Variants in WDR59 observed in about 807,000 individuals in gnomAD.
The protein encoded by WDR59 is GATOR2 complex protein WDR59.
In WDR59, 100 loss-of-function variants were observed where a neutral mutation model predicts 131.2. The ratio of observed to expected loss-of-function variants is 0.76; its 90% CI spans 0.65 to 0.90. WDR59 has a LOEUF of 0.90. Ranked by LOEUF, WDR59 falls within the 40% of genes least tolerant of loss-of-function variation. WDR59 has a pLI of 0.00. For synonymous variants in WDR59, 601 were observed against 466.2 expected (o/e 1.29, Z -3.72); for missense variants, 1,203 against 1,262.2 (o/e 0.95, Z 0.71).
chr16:74,891,565 G>C (rs1284996329), intron 20 of WDR59, among the ~76,000 whole-genome samples: 1 of 152,208 alleles, frequency 6.6e-6, no homozygotes, highest in African/African-American at 2.4e-5. Flanking sequence ...AACAGAAACA[G>C]TGACTCTTGC....
intron 25 of WDR59, among the ~76,000 whole-genome samples, chr16:74,883,020 CTTTTTTTTTT>C (rs948092826): frequency 2.7e-5 from 3 of 111,276 alleles, no homozygotes; most frequent in Non-Finnish European, 5.5e-5. Context: ...TTGTTTTTTG[CTTTTTTTTTT>C]TTTTTTTTTT....
At chr16:74,900,690 G>C (rs942328175) in intron 18 of WDR59, among the ~76,000 whole-genome samples, 9 of 152,212 alleles carry the variant, frequency 5.9e-5, no homozygotes, top group African/African-American at 2.2e-4. Flanking sequence ...GCAAAGCTTG[G>C]CATTCCATCT....
intron 19 of WDR59, 67 bp from the exon 20 acceptor site, chr16:74,892,632 T>C (rs1211022402): frequency 7.7e-7 from 1 of 1,292,866 alleles, no homozygotes; most frequent in Non-Finnish European, 1.1e-6. Flanking sequence ...CGACTCCCAG[T>C]TTAACAGACA....
In WDR59 at chr16:74,913,083, G is replaced by T. The variant is rs984672662; in HGVS notation, c.1225-721C>A. Among the ~76,000 whole-genome samples, 350 of 134,902 alleles carry T rather than the reference G, an allele frequency of 2.6e-3. 3 individuals carry two copies. Among genetic ancestry groups the T allele is most frequent in the African/African-American group, 8.3e-3 (306 of 36,836 alleles). The allele number at this position is 134,902 out of a possible 152,430, so 88.5% of individuals were successfully genotyped here. A position where few individuals can be genotyped will look rare whatever the true frequency, so the allele number is the denominator to read the frequency against. On this transcript the variant is annotated intron_variant, in intron 13 of 25. Coordinates refer to ENST00000262144, the MANE Select transcript of WDR59 (RefSeq NM_030581.4). ...ATGGCTAGATTTTGGGGGGGGGGGG[G>T]GCCTGTTCCCAACATGTCCCCCTTC... is the stretch of plus-strand genomic sequence containing the variant.
chr16:74,984,695 T>C (rs2034554658), intron 1 of WDR59: 2 of 526,080 alleles, frequency 3.8e-6, no homozygotes, highest in South Asian at 4.6e-5. Context: ...GCACTCACGA[T>C]GCGCAGTCTC....
rs756960943 is a variant in WDR59 at position 74,909,601 on chromosome 16, G to A, written c.1542C>T (p.Pro514=). 6.2e-7 allele frequency: 1 copy of A among 1,609,146 alleles called. No homozygotes were observed. Among genetic ancestry groups the A allele is most frequent in the Admixed American group, 1.7e-5 (1 of 59,028 alleles). ...TCACCCGCGCAAACGTCGGTAAGGG[G>A]GGAGTGACAGAGTTGGGGAGTGCAA... ...NPFALPNSVT[P]PLPTFARVTT... is the part of the protein sequence containing the mutation. Residue 514 remains proline, a synonymous_variant, in exon 16 of 26, where the codon CCC becomes CCT. Transcript: ENST00000262144.
rs77211059 is a variant in WDR59 at position 74,955,555 on chromosome 16, C to A, written c.240+920G>T. 6.5e-3 allele frequency among the ~76,000 whole-genome samples: 988 copies of A among 152,220 alleles called. 5 individuals are homozygous for A. The highest frequency in any genetic ancestry group is 0.023 in the African/African-American group (959 of 41,516). On this transcript the variant is annotated intron_variant, in intron 3 of 25. Transcript: ENST00000262144. ...ACTCTGCCTTTCTCTTTGAGAATAG[C>A]CCTGAAAATCAGCGCAACCTCGGAC...
At chr16:74,973,592 A>G (rs1352954947) in intron 1 of WDR59, among the ~76,000 whole-genome samples, 2 of 152,224 alleles carry the variant, frequency 1.3e-5, no homozygotes, top group East Asian at 3.9e-4. Context: ...TTGGCCCAAC[A>G]GTTTCTGAGC....
intron 23 of WDR59, among the ~76,000 whole-genome samples, chr16:74,887,173 T>G (rs571831242): frequency 6.6e-6 from 1 of 152,318 alleles, no homozygotes; most frequent in African/African-American, 2.4e-5. Flanking sequence ...CTCTAATACT[T>G]TTTGCTTGCT....
intron 3 of WDR59, 60 bp from the exon 4 acceptor site, chr16:74,951,603 A>C: frequency 6.9e-7 from 1 of 1,459,490 alleles, no homozygotes. Context: ...TCTTGCCCCA[A>C]TCAGCTTAAG....
At chr16:74,952,547 TTAA>T (rs1175357432) in intron 3 of WDR59, among the ~76,000 whole-genome samples, 1 of 151,552 alleles carries the variant, frequency 6.6e-6, no homozygotes, top group Non-Finnish European at 1.5e-5. Flanking sequence ...ATGCCTGTAT[TTAA>T]TTTCTTAAAG....
chr16:74,884,897 C>G (rs1964678596), intron 25 of WDR59, among the ~76,000 whole-genome samples: 1 of 152,190 alleles, frequency 6.6e-6, no homozygotes, highest in Non-Finnish European at 1.5e-5. Flanking sequence ...TGGAGGCCTT[C>G]TCAACACACC....
rs760009646 is a variant in WDR59 at position 74,916,236 on chromosome 16, A to C, written c.990T>G (p.Asp330Glu). The change falls in exon 12 of 26, where the codon GAT (aspartate) becomes GAG (glutamate). Residue 330 changes from aspartate to glutamate, a missense_variant. Physicochemically the swap from Asp to Glu is conservative, Grantham distance 45. Coordinates refer to ENST00000262144, the MANE Select transcript of WDR59 (RefSeq NM_030581.4). Reference sequence around the variant, plus strand: ...TACTCTCAATGAACTCATCAACACCATCTAATATGTCATTTGCACAAAGCT... The same window carrying C: ...TACTCTCAATGAACTCATCAACACCCTCTAATATGTCATTTGCACAAAGCT... ...MQRLCANDIL[D>E]GVDEFIESIS... 3 of 1,613,934 alleles carry C rather than the reference A, an allele frequency of 1.9e-6. No homozygotes were observed. Among genetic ancestry groups the C allele is most frequent in the Non-Finnish European group, 2.5e-6 (3 of 1,179,988 alleles).
At chr16:74,915,015 T>C (rs1966294309) in intron 13 of WDR59, among the ~76,000 whole-genome samples, 2 of 152,238 alleles carry the variant, frequency 1.3e-5, no homozygotes, top group African/African-American at 4.8e-5. Flanking sequence ...AAGCAAAGAC[T>C]TTCAATACTT....
intron 13 of WDR59, among the ~76,000 whole-genome samples, chr16:74,913,638 T>C (rs1966215106): frequency 6.6e-6 from 1 of 151,962 alleles, no homozygotes; most frequent in Admixed American, 6.6e-5. Flanking sequence ...AGCTGTGGGG[T>C]AGACTGAAAC....
In WDR59 at chr16:74,902,498, C is replaced by G. The variant is rs557520604; in HGVS notation, c.1866+1449G>C. Among the ~76,000 whole-genome samples the G allele has an allele frequency of 1.7e-3, 254 of 152,252 alleles. 7 individuals carry two copies. In the South Asian group the frequency reaches 0.051, roughly 30 times the overall value. On this transcript the variant is annotated intron_variant, in intron 18 of 25. Transcript: ENST00000262144. ...GCTTAAAAGAGGCCTCATCTTGGAA[C>G]TGGAGTTATTTTGATTAGAGTGGGC... is the stretch of plus-strand genomic sequence containing the variant.
At chr16:74,938,354 G>T in intron 7 of WDR59, 88 bp from the exon 8 acceptor site, 5 of 923,682 alleles carry the variant, frequency 5.4e-6, no homozygotes, top group Non-Finnish European at 7.7e-6. Context: ...AGTGAGTGAG[G>T]ATGCAAAAAT....
chr16:74,937,499 G>A (rs969682835), intron 8 of WDR59, among the ~76,000 whole-genome samples: 1 of 152,072 alleles, frequency 6.6e-6, no homozygotes, highest in Non-Finnish European at 1.5e-5. Flanking sequence ...TTCTTCGCAA[G>A]GGAACCTCTT....
At chr16:74,877,825 G>A (rs774995389) in intron 25 of WDR59, among the ~76,000 whole-genome samples, 9 of 152,170 alleles carry the variant, frequency 5.9e-5, no homozygotes, top group South Asian at 2.1e-4. Context: ...GATTACAGGC[G>A]TGAGCCACCG....
Sources: gnomAD v4.1 joint callset for allele counts (sites outside exome capture counted in the v4.1 genomes callset) on GRCh38, gnomAD v4.1.1 for gene constraint, MANE v1.5 for transcripts, NCBI Gene and HGNC (gene_info 2026-07-23, HGNC 2026-07-21) for gene names.